The following KCNQ5 variants were observed in gnomAD, a reference collection of about 807,000 sequenced individuals.
KCNQ5 encodes the protein potassium voltage-gated channel subfamily KQT member 5.
In KCNQ5, 30 loss-of-function variants were observed where a neutral mutation model predicts 98.2. That is an observed-to-expected ratio of 0.31 (90% CI 0.23 to 0.41). The LOEUF (loss-of-function observed/expected upper bound fraction) is 0.41, where lower values mean the gene tolerates loss of function less well. Among genes scored for constraint, KCNQ5 ranks in the 10% least tolerant of loss-of-function variants. The pLI is 1.00. For missense variants in KCNQ5, 835 were observed against 1,182.5 expected (o/e 0.71, Z 4.31); for synonymous variants, 458 against 449.4 (o/e 1.02, Z -0.24).
At chr6:72,829,449 T>TC (rs1776138298) in intron 1 of KCNQ5, among the ~76,000 whole-genome samples, 1 of 151,258 alleles carries the variant, frequency 6.6e-6, no homozygotes, top group Non-Finnish European at 1.5e-5. Flanking sequence ...TCCTCTTCTC[T>TC]TCTCTCTCTC....
rs545634799 is a variant in KCNQ5 at position 72,859,063 on chromosome 6, A to G, written c.399-144845A>G. Among the ~76,000 whole-genome samples the G allele has an allele frequency of 9.2e-5, 14 of 152,290 alleles. No homozygotes were observed. The South Asian group carries it at 2.9e-3, about 32-fold the overall frequency. On this transcript the variant is annotated intron_variant, in intron 1 of 13. Coordinates refer to ENST00000370398, the MANE Select transcript of KCNQ5 (RefSeq NM_019842.4). ...TATTCTCTAGTTTTCATCCTTATTCAGATTAGACCTGTTTATGCCATATAA... is the reference window on the plus strand; with the variant it reads ...TATTCTCTAGTTTTCATCCTTATTCGGATTAGACCTGTTTATGCCATATAA...
rs1024489618 is a variant in KCNQ5, at chr6:72,848,935, C to T, written c.399-154973C>T. ...TGCTAAACTGTGAGTCAAATAAGCC[C>T]GCTTCCTTTATAAATGACCCAGTCT... On this transcript the variant is annotated intron_variant, in intron 1 of 13. Coordinates refer to ENST00000370398, the MANE Select transcript of KCNQ5 (RefSeq NM_019842.4). 4.6e-5 allele frequency among the ~76,000 whole-genome samples: 7 copies of T among 152,090 alleles called. No individual in the cohort carries two copies. In the East Asian group the frequency reaches 5.8e-4, roughly 13 times the overall value.
chr6:72,828,277 A>G (rs1776087885), intron 1 of KCNQ5, among the ~76,000 whole-genome samples: 1 of 152,094 alleles, frequency 6.6e-6, no homozygotes, highest in African/African-American at 2.4e-5. Flanking sequence ...TGTCATTGGT[A>G]TTTTGATAGG....
chr6:73,130,473 CA>C (rs780123099), intron 9 of KCNQ5, among the ~76,000 whole-genome samples: 26 of 152,072 alleles, frequency 1.7e-4, no homozygotes, highest in Non-Finnish European at 2.8e-4. Context: ...ATGACCACAG[CA>C]ATTTTTTTTT....
intron 2 of KCNQ5, among the ~76,000 whole-genome samples, chr6:73,023,976 T>G (rs963020992): frequency 6.6e-6 from 1 of 152,212 alleles, no homozygotes; most frequent in Admixed American, 6.5e-5. Context: ...ATGGAGCACC[T>G]TGGAAGGTTT....
intron 9 of KCNQ5, among the ~76,000 whole-genome samples, chr6:73,128,965 A>G (rs976951526): frequency 7.2e-5 from 11 of 152,188 alleles, no homozygotes; most frequent in Non-Finnish European, 1.3e-4. Flanking sequence ...AGAGAACTCT[A>G]GAACCCTGGT....
chr6:72,651,722 T>G (rs1325251272), intron 1 of KCNQ5, among the ~76,000 whole-genome samples: 1 of 152,042 alleles, frequency 6.6e-6, no homozygotes, highest in Non-Finnish European at 1.5e-5. Flanking sequence ...TCTGTTGAAC[T>G]CCTTAAAATG....
At chr6:72,911,516 G>A (rs1779940795) in intron 1 of KCNQ5, among the ~76,000 whole-genome samples, 2 of 152,116 alleles carry the variant, frequency 1.3e-5, no homozygotes, top group Non-Finnish European at 2.9e-5. Context: ...ATGGTGGTTT[G>A]TTAAGTAGCC....
chr6:72,676,241 T>C (rs1266240526), intron 1 of KCNQ5, among the ~76,000 whole-genome samples: 2 of 152,344 alleles, frequency 1.3e-5, no homozygotes, highest in Non-Finnish European at 2.9e-5. Flanking sequence ...GCATGTGAGC[T>C]AGGAATGGGA....
At chr6:72,749,732 A>T (rs960751132) in intron 1 of KCNQ5, among the ~76,000 whole-genome samples, 1 of 7,980 alleles carries the variant, frequency 1.3e-4, no homozygotes, top group South Asian at 3.5e-3. Context: ...ATTTAAAAAA[A>T]TATATTTTTA....
chr6:72,622,092 C>T lies in KCNQ5; in HGVS notation c.-98C>T. 9.2e-7 allele frequency: 1 copy of T among 1,091,894 alleles called. No homozygotes were observed. The highest frequency in any genetic ancestry group is 1.2e-6 in the Non-Finnish European group (1 of 868,258). The allele number at this position is 1,091,894 out of a possible 1,614,324, so 67.6% of individuals were successfully genotyped here. A position where few individuals can be genotyped will look rare whatever the true frequency, so the allele number is the denominator to read the frequency against. On this transcript the variant is annotated 5_prime_UTR_variant, in exon 1 of 14. Coordinates refer to ENST00000370398, the MANE Select transcript of KCNQ5 (RefSeq NM_019842.4). The surrounding 1 kb of genome is among the most constrained non-coding windows in gnomAD (Gnocchi z 6.0). ...GGTCTCTGGCTGGCGGGCGCCCCGTCGGCCGCCGGCTTCCTCCTTGAAACC... is the reference window on the plus strand; with the variant it reads ...GGTCTCTGGCTGGCGGGCGCCCCGTTGGCCGCCGGCTTCCTCCTTGAAACC...
chr6:72,792,079 C>T (rs80068006), intron 1 of KCNQ5, among the ~76,000 whole-genome samples: 4,358 of 152,262 alleles, frequency 0.029, 76 homozygotes, highest in Non-Finnish European at 0.042. Context: ...AGTGTAAAAT[C>T]TTGATTTGAG....
intron 1 of KCNQ5, among the ~76,000 whole-genome samples, chr6:72,900,689 A>C (rs1195651744): frequency 6.6e-6 from 1 of 151,918 alleles, no homozygotes; most frequent in African/African-American, 2.4e-5. Context: ...TTGCTGGATC[A>C]AATAGTAGTT....
intron 1 of KCNQ5, among the ~76,000 whole-genome samples, chr6:72,706,431 G>C (rs951483716): frequency 2.6e-5 from 4 of 151,764 alleles, no homozygotes; most frequent in Non-Finnish European, 4.4e-5. Flanking sequence ...TTTCTTATGT[G>C]AATAATATGT....
intron 5 of KCNQ5, among the ~76,000 whole-genome samples, chr6:73,081,078 G>A (rs866221179): frequency 2.6e-5 from 4 of 152,158 alleles, no homozygotes; most frequent in Non-Finnish European, 5.9e-5. Flanking sequence ...CATTGCTGTG[G>A]AAGTTAAATG....
intron 1 of KCNQ5, among the ~76,000 whole-genome samples, chr6:72,995,075 A>G (rs1769221595): frequency 6.6e-6 from 1 of 152,166 alleles, no homozygotes; most frequent in Admixed American, 6.5e-5. Flanking sequence ...AATGATTTAT[A>G]ATAAATTTGA....
At chr6:72,897,366 C>T (rs1249971243) in intron 1 of KCNQ5, among the ~76,000 whole-genome samples, 1 of 151,892 alleles carries the variant, frequency 6.6e-6, no homozygotes, top group East Asian at 1.9e-4. Context: ...ATGGTGAAAC[C>T]CCACCTCTAC....
chr6:73,002,659 C>T (rs1769635971), intron 1 of KCNQ5, among the ~76,000 whole-genome samples: 1 of 152,102 alleles, frequency 6.6e-6, no homozygotes, highest in South Asian at 2.1e-4. Context: ...CCTGAATAGT[C>T]AGGGGTCAAC....
In KCNQ5 at chr6:72,702,673, A is replaced by G. The variant is rs1167112462; in HGVS notation, c.398+80086A>G. Among the ~76,000 whole-genome samples, 4 of 152,182 alleles carry G rather than the reference A, an allele frequency of 2.6e-5. No individual in the cohort carries two copies. The East Asian group carries it at 7.7e-4, about 29-fold the overall frequency. ...CATGTCTTCAGCATGTGACCCATTC[A>G]CACAGAATATTCAGATACAGATATG... On this transcript the variant is annotated intron_variant, in intron 1 of 13. Coordinates refer to ENST00000370398, the MANE Select transcript of KCNQ5 (RefSeq NM_019842.4).
Sources: allele counts gnomAD v4.1 joint callset (sites outside exome capture counted in the v4.1 genomes callset), GRCh38; gene constraint gnomAD v4.1.1; non-coding constraint Gnocchi (gnomAD v3.1); transcripts MANE v1.5; gene names NCBI Gene and HGNC (gene_info 2026-07-23, HGNC 2026-07-21).